UNC5D: variants seen among roughly 807,000 people sequenced by gnomAD.
UNC5D encodes the protein unc-5 netrin receptor D, also known as netrin receptor UNC5D.
In UNC5D, 39 loss-of-function variants were observed where a neutral mutation model predicts 105.4. That is an observed-to-expected ratio of 0.37 (90% CI 0.29 to 0.48). The LOEUF is 0.48. Ranked by LOEUF, UNC5D falls within the 20% of genes least tolerant of loss-of-function variation. The pLI is 0.98. For missense variants in UNC5D, 991 were observed against 1,202.4 expected (o/e 0.82, Z 2.60); for synonymous variants, 452 against 450.4 (o/e 1.00, Z -0.04).
intron 7 of UNC5D, among the ~76,000 whole-genome samples, chr8:35,695,733 A>G (rs1016755644): frequency 2.0e-5 from 3 of 150,426 alleles, no homozygotes; most frequent in African/African-American, 7.3e-5. Flanking sequence ...TTATTTATTT[A>G]TTTATTTATT....
intron 2 of UNC5D, among the ~76,000 whole-genome samples, chr8:35,551,039 C>T (rs1459820109): frequency 6.6e-6 from 1 of 152,026 alleles, no homozygotes; most frequent in Non-Finnish European, 1.5e-5. Flanking sequence ...GAGCCCTTTA[C>T]TTAGTTTTAT....
At chr8:35,700,472 C>A (rs1415513812) in intron 7 of UNC5D, among the ~76,000 whole-genome samples, 1 of 151,854 alleles carries the variant, frequency 6.6e-6, no homozygotes, top group Non-Finnish European at 1.5e-5. Context: ...AAAAAAAATA[C>A]GTTGTGTTTT....
intron 1 of UNC5D, among the ~76,000 whole-genome samples, chr8:35,417,442 G>A (rs961392469): frequency 4.0e-5 from 6 of 150,220 alleles, no homozygotes; most frequent in Non-Finnish European, 8.8e-5. Flanking sequence ...GATTAAGCTT[G>A]GATATACATT....
chr8:35,343,050 T>C (rs148590114), intron 1 of UNC5D, among the ~76,000 whole-genome samples: 208 of 152,220 alleles, frequency 1.4e-3, no homozygotes, highest in African/African-American at 4.9e-3. Context: ...CTAGAGTTTC[T>C]GATTCAGTAG....
intron 1 of UNC5D, among the ~76,000 whole-genome samples, chr8:35,238,372 G>T (rs1802599057): frequency 6.6e-6 from 1 of 152,152 alleles, no homozygotes; most frequent in African/African-American, 2.4e-5. Context: ...CCCAGTAGTG[G>T]CCCAAGAAGC....
intron 4 of UNC5D, among the ~76,000 whole-genome samples, chr8:35,635,789 G>T (rs1822332940): frequency 6.6e-6 from 1 of 152,142 alleles, no homozygotes; most frequent in South Asian, 2.1e-4. Flanking sequence ...ATCAAAAATT[G>T]TATGGAAAGG....
chr8:35,287,915 A>G (rs568059410), intron 1 of UNC5D, among the ~76,000 whole-genome samples: 1 of 152,308 alleles, frequency 6.6e-6, no homozygotes, highest in Non-Finnish European at 1.5e-5. Flanking sequence ...ATCGAATCAA[A>G]GCAGTAAAAA....
chr8:35,669,913 CTG>C, intron 4 of UNC5D, among the ~76,000 whole-genome samples: 1 of 152,232 alleles, frequency 6.6e-6, no homozygotes, highest in Non-Finnish European at 1.5e-5. Context: ...GTACCAGAGT[CTG>C]TAGCACAAGA....
In UNC5D at chr8:35,731,107, G is replaced by A. The variant is rs748362498; in HGVS notation, c.1766+11G>A. On this transcript the variant is annotated intron_variant, in intron 11 of 16. Coordinates refer to ENST00000404895, the MANE Select transcript of UNC5D (RefSeq NM_080872.4). Reference sequence around the variant, plus strand: ...CCAAGGTGAACCCAGGTGAGAGACAGAGAATAGCATATTAAAGAAAGTGGC... The same window carrying A: ...CCAAGGTGAACCCAGGTGAGAGACAAAGAATAGCATATTAAAGAAAGTGGC... 55 of 1,612,812 alleles carry A rather than the reference G, an allele frequency of 3.4e-5. No homozygotes were observed. The highest frequency in any genetic ancestry group is 2.5e-4 in the Admixed American group (15 of 59,960).
intron 1 of UNC5D, among the ~76,000 whole-genome samples, chr8:35,517,694 C>T (rs1383393818): frequency 6.6e-6 from 1 of 152,168 alleles, no homozygotes; most frequent in East Asian, 1.9e-4. Context: ...TTTTTAAATT[C>T]AGCAGGGTTA....
At chr8:35,279,578 G>T (rs1031045902) in intron 1 of UNC5D, among the ~76,000 whole-genome samples, 1 of 152,148 alleles carries the variant, frequency 6.6e-6, no homozygotes, top group African/African-American at 2.4e-5. Context: ...TGTAAAATGT[G>T]GTGGAATCAT....
chr8:35,428,451 G>T (rs1240908064), intron 1 of UNC5D, among the ~76,000 whole-genome samples: 5 of 149,090 alleles, frequency 3.4e-5, no homozygotes, highest in African/African-American at 1.2e-4. Context: ...CTCCCAAAGT[G>T]CTGGGATTAT....
At chr8:35,298,858 C>T (rs1424455600) in intron 1 of UNC5D, among the ~76,000 whole-genome samples, 1 of 152,136 alleles carries the variant, frequency 6.6e-6, no homozygotes, top group African/African-American at 2.4e-5. Context: ...TGAACATTAA[C>T]AAAGTGATTA....
At chr8:35,315,449 G>C (rs1010608113) in intron 1 of UNC5D, among the ~76,000 whole-genome samples, 5 of 152,136 alleles carry the variant, frequency 3.3e-5, no homozygotes, top group African/African-American at 1.2e-4. Flanking sequence ...GGGCAGTGGA[G>C]ATGACTGGGC....
intron 1 of UNC5D, among the ~76,000 whole-genome samples, chr8:35,356,117 T>G (rs551413967): frequency 6.6e-6 from 1 of 152,148 alleles, no homozygotes; most frequent in Non-Finnish European, 1.5e-5. Flanking sequence ...GTCCTGGGTA[T>G]TTTGTTATAG....
At chr8:35,315,068 A>G (rs1290157535) in intron 1 of UNC5D, among the ~76,000 whole-genome samples, 2 of 152,232 alleles carry the variant, frequency 1.3e-5, no homozygotes, top group African/African-American at 4.8e-5. Flanking sequence ...TAGGATTATA[A>G]GTACCAGTGG....
At chr8:35,580,043 G>A (rs955038688) in intron 3 of UNC5D, among the ~76,000 whole-genome samples, 1 of 152,168 alleles carries the variant, frequency 6.6e-6, no homozygotes, top group African/African-American at 2.4e-5. Context: ...GGAACTAAGG[G>A]GAAGTAAGAG....
chr8:35,703,254 G>A (rs1827330237), intron 7 of UNC5D, among the ~76,000 whole-genome samples: 1 of 151,542 alleles, frequency 6.6e-6, no homozygotes, highest in Admixed American at 6.6e-5. Flanking sequence ...ATTAGCTATC[G>A]ATTGTTACAT....
intron 1 of UNC5D, among the ~76,000 whole-genome samples, chr8:35,497,752 C>T (rs774967361): frequency 2.6e-4 from 39 of 151,428 alleles, no homozygotes; most frequent in African/African-American, 8.0e-4. Flanking sequence ...GGAAGGAAAC[C>T]GAGAAAAGGG....
Sources: allele counts gnomAD v4.1 joint callset (sites outside exome capture counted in the v4.1 genomes callset), GRCh38; gene constraint gnomAD v4.1.1; transcripts MANE v1.5; gene names NCBI Gene and HGNC (gene_info 2026-07-23, HGNC 2026-07-21).